The following OGDHL variants were observed in gnomAD, a reference collection of about 807,000 sequenced individuals.
OGDHL encodes 2-oxoglutarate dehydrogenase-like, mitochondrial.
In OGDHL, 79 loss-of-function variants were observed where a neutral mutation model predicts 109.6. The observed-to-expected ratio is 0.72, with a 90% CI of 0.60 to 0.87. OGDHL has a LOEUF of 0.87. Ranked by LOEUF, OGDHL falls within the 40% of genes least tolerant of loss-of-function variation. The pLI is 0.00. For missense variants in OGDHL, 1,275 were observed against 1,362.2 expected (o/e 0.94, Z 1.01); for synonymous variants, 528 against 537.2 (o/e 0.98, Z 0.24).
chr10:49,749,600 A>T, intron 8 of OGDHL, 126 bp downstream of exon 8: 1 of 787,134 alleles, frequency 1.3e-6, no homozygotes, highest in African/African-American at 1.7e-5. Context: ...TCTCTCCTGC[A>T]GGCTTCTCCA....
chr10:49,757,373 T>C (rs1198136769), intron 2 of OGDHL, among the ~76,000 whole-genome samples: 1 of 152,132 alleles, frequency 6.6e-6, no homozygotes, highest in Non-Finnish European at 1.5e-5. Context: ...ATAAGAACAA[T>C]GTAAAAGCGC....
intron 15 of OGDHL, among the ~76,000 whole-genome samples, chr10:49,742,315 CCA>C (rs1841779830): frequency 7.3e-6 from 1 of 137,928 alleles, no homozygotes; most frequent in Admixed American, 7.3e-5. Flanking sequence ...ACCACACCCA[CCA>C]CAAACACCAC....
At chr10:49,743,345 G>A (rs1456037287) in intron 14 of OGDHL, among the ~76,000 whole-genome samples, 1 of 152,132 alleles carries the variant, frequency 6.6e-6, no homozygotes, top group African/African-American at 2.4e-5. Flanking sequence ...CACACAAACA[G>A]AGCGGGCACA....
At chr10:49,749,904 A>C in intron 7 of OGDHL, 88 bp from the exon 8 acceptor site, 8 of 1,139,446 alleles carry the variant, frequency 7.0e-6, no homozygotes, top group Non-Finnish European at 1.0e-5. Context: ...GCCTGGCCTA[A>C]TACAGCCCCT....
At chr10:49,740,413 A>C (rs1419692839) in intron 16 of OGDHL, among the ~76,000 whole-genome samples, 3 of 152,096 alleles carry the variant, frequency 2.0e-5, no homozygotes, top group Non-Finnish European at 4.4e-5. Flanking sequence ...GCTGGAACCC[A>C]CAGCAGACTG....
chr10:49,747,090 G>C lies in OGDHL; in HGVS notation c.1106C>G (p.Pro369Arg). 6.2e-7 allele frequency: 1 copy of C among 1,614,198 alleles called. No homozygotes were observed. The highest frequency in any genetic ancestry group is 1.7e-5 in the Admixed American group (1 of 60,028). Residue 369 changes from proline to arginine, a missense_variant, in exon 9 of 23, where the codon CCT (proline) becomes CGT (arginine). Transcript: ENST00000374103. ...TGCCTTTGTCTTCCCCTGCACCACA[G>C]GGTCCACTGCCTCCAGGTGGGAGGG... Reference protein sequence around the residue: ...ANPSHLEAVDPVVQGKTKAEQ... With the variant: ...ANPSHLEAVDRVVQGKTKAEQ...
intron 1 of OGDHL, among the ~76,000 whole-genome samples, chr10:49,760,448 A>C (rs112512256): frequency 0.041 from 6,249 of 152,304 alleles, 174 homozygotes; most frequent in South Asian, 0.092. Flanking sequence ...GGCAAAGAGA[A>C]GGTCGTGCCA....
At position 49,742,823 on chromosome 10, in the gene OGDHL, C is replaced by T; in HGVS notation, c.2012+5G>A. On this transcript the variant is annotated splice_donor_5th_base_variant and intron_variant, in intron 15 of 22. Transcript: ENST00000374103. ...TGTGCGGATGCTGAGCCCCACTGCG[C>T]TCACCTGAATGTGCCCCTCTCCACA... 1.9e-6 allele frequency: 3 copies of T among 1,611,754 alleles called. No homozygotes were observed. The highest frequency in any genetic ancestry group is 2.5e-6 in the Non-Finnish European group (3 of 1,179,524).
At chr10:49,751,130 G>T in intron 6 of OGDHL, 145 bp from the exon 7 acceptor site, 1 of 761,410 alleles carries the variant, frequency 1.3e-6, no homozygotes. Flanking sequence ...ACATGGTCCA[G>T]GGCCCACCAT....
At chr10:49,749,222 A>G (rs569937799) in intron 8 of OGDHL, among the ~76,000 whole-genome samples, 11 of 152,016 alleles carry the variant, frequency 7.2e-5, no homozygotes, top group Non-Finnish European at 1.5e-4. Flanking sequence ...AAAGAAAAGG[A>G]AAGAAAGAGG....
chr10:49,742,438 A>T (rs947861760), intron 15 of OGDHL, among the ~76,000 whole-genome samples: 1 of 31,762 alleles, frequency 3.1e-5, no homozygotes, highest in Non-Finnish European at 8.1e-5. Flanking sequence ...CACACATACA[A>T]CAAACACACC....
At position 49,737,775 on chromosome 10, in the gene OGDHL, C is replaced by G; in HGVS notation, c.2590+11G>C. 6.2e-7 allele frequency: 1 copy of G among 1,614,140 alleles called. No homozygotes were observed. Among genetic ancestry groups the G allele is most frequent in the Non-Finnish European group, 8.5e-7 (1 of 1,180,002 alleles). ...TGTGGGCTACCCCACACACCCAGGC[C>G]AGGCACGTACCGGATACCATTTGGT... On this transcript the variant is annotated intron_variant, in intron 20 of 22. Coordinates refer to ENST00000374103, the MANE Select transcript of OGDHL (RefSeq NM_018245.3).
At chr10:49,752,519 T>G (rs1200470939) in intron 4 of OGDHL, 119 bp downstream of exon 4, 5 of 865,054 alleles carry the variant, frequency 5.8e-6, no homozygotes, top group African/African-American at 3.3e-5. Context: ...AAGGAGGCCC[T>G]GTGGGCTGCT....
chr10:49,741,736 T>C (rs1378205085), intron 15 of OGDHL, among the ~76,000 whole-genome samples: 3 of 114,906 alleles, frequency 2.6e-5, no homozygotes, highest in Non-Finnish European at 3.6e-5. Flanking sequence ...ACCACACACA[T>C]ACATACACAC....
intron 3 of OGDHL, among the ~76,000 whole-genome samples, chr10:49,753,753 G>A (rs1842749771): frequency 6.6e-6 from 1 of 152,130 alleles, no homozygotes; most frequent in Non-Finnish European, 1.5e-5. Flanking sequence ...AGCTGGGCGT[G>A]GCGGCACATG....
chr10:49,737,925 C>T, intron 19 of OGDHL, 22 bp downstream of exon 19: 8 of 1,614,160 alleles, frequency 5.0e-6, no homozygotes, highest in Non-Finnish European at 6.8e-6. Context: ...CCTGTGACCC[C>T]TGCCCTGGGA....
At chr10:49,759,295 A>C (rs1412285383) in intron 1 of OGDHL, among the ~76,000 whole-genome samples, 1 of 151,806 alleles carries the variant, frequency 6.6e-6, no homozygotes, top group Admixed American at 6.5e-5. Context: ...TAAGGTCTGG[A>C]GGGGCAGGAA....
rs902599485 is a variant in OGDHL, at chr10:49,735,928, G to A, written c.2909+95C>T. The A allele has an allele frequency of 3.7e-6, 5 of 1,359,484 alleles. No individual in the cohort carries two copies. In the Admixed American group the frequency reaches 7.9e-5, roughly 22 times the overall value. The allele number at this position is 1,359,484 out of a possible 1,614,324, so 84.2% of individuals were successfully genotyped here. ...CATTGCTCATCACCAGAGAAGGGCAGGGCCAGTTCTGGGTAGCATGGCCTA... is the reference window on the plus strand; with the variant it reads ...CATTGCTCATCACCAGAGAAGGGCAAGGCCAGTTCTGGGTAGCATGGCCTA... On this transcript the variant is annotated intron_variant, in intron 22 of 22. Coordinates refer to ENST00000374103, the MANE Select transcript of OGDHL (RefSeq NM_018245.3).
intron 6 of OGDHL, 122 bp from the exon 7 acceptor site, chr10:49,751,107 C>T (rs995469694): frequency 2.4e-5 from 22 of 898,058 alleles, no homozygotes; most frequent in Non-Finnish European, 3.7e-5. Flanking sequence ...AGTCACAAAT[C>T]CTCCTTCCAC....
Sources: gnomAD v4.1 joint callset for allele counts (sites outside exome capture counted in the v4.1 genomes callset) on GRCh38, gnomAD v4.1.1 for gene constraint, MANE v1.5 for transcripts, NCBI Gene and HGNC (gene_info 2026-07-23, HGNC 2026-07-21) for gene names.